The following FHL2 variants were observed in gnomAD, a reference collection of about 807,000 sequenced individuals.
FHL2 encodes the protein four and a half LIM domains protein 2.
A neutral mutation model predicts 32.7 loss-of-function variants in FHL2; 20 were observed. The observed-to-expected ratio is 0.61, with a 90% CI of 0.43 to 0.89. The LOEUF (loss-of-function observed/expected upper bound fraction) is 0.89. Ranked by LOEUF, FHL2 falls within the 40% of genes least tolerant of loss-of-function variation. The pLI, the probability that FHL2 is intolerant of heterozygous loss-of-function variation, is 0.00. For missense variants in FHL2, 311 were observed against 358.6 expected (o/e 0.87, Z 1.07); for synonymous variants, 123 against 128.1 (o/e 0.96, Z 0.27).
At chr2:105,400,853 A>T (rs1683441155), upstream of FHL2, among the ~76,000 whole-genome samples, 1 of 151,986 alleles carries the variant, frequency 6.6e-6, no homozygotes, top group Admixed American at 6.5e-5. Flanking sequence ...TCTGCAATTT[A>T]ATTTTGTGTT....
intron 2 of FHL2, among the ~76,000 whole-genome samples, chr2:105,396,233 T>C (rs1683120286): frequency 6.6e-6 from 1 of 152,166 alleles, no homozygotes; most frequent in Admixed American, 6.6e-5. Flanking sequence ...CTGCAGTCAG[T>C]AGGCTGGAGA....
intron 3 of FHL2, among the ~76,000 whole-genome samples, chr2:105,381,217 G>T (rs1277618560): frequency 6.6e-6 from 1 of 152,144 alleles, no homozygotes; most frequent in Non-Finnish European, 1.5e-5. Flanking sequence ...GTTATGAAAA[G>T]ATATTTTCTG....
chr2:105,412,058 T>C (rs1357757330), intron 1 of FHL2, among the ~76,000 whole-genome samples: 1 of 152,184 alleles, frequency 6.6e-6, no homozygotes, highest in Non-Finnish European at 1.5e-5. Flanking sequence ...GGTTAAGATA[T>C]GAAAGTATAC....
intron 3 of FHL2, chr2:105,378,783 C>T (rs1403806578): frequency 6.6e-6 from 1 of 152,476 alleles, no homozygotes; most frequent in African/African-American, 2.4e-5. Flanking sequence ...TAAATATTAA[C>T]CTATGCTCAC....
chr2:105,406,964 A>T (rs1683651032), intron 1 of FHL2, among the ~76,000 whole-genome samples: 1 of 151,828 alleles, frequency 6.6e-6, no homozygotes, highest in African/African-American at 2.4e-5. Context: ...TGACCAGTCC[A>T]CTCCTTCTTT....
At chr2:105,414,776 T>C (rs1476691308) in intron 1 of FHL2, among the ~76,000 whole-genome samples, 1 of 152,186 alleles carries the variant, frequency 6.6e-6, no homozygotes, top group African/African-American at 2.4e-5. Context: ...TGGTCTCCAA[T>C]TTCTGGCTTC....
chr2:105,375,855 T>C (rs370708595), intron 3 of FHL2: 1 of 152,168 alleles, frequency 6.6e-6, no homozygotes, highest in African/African-American at 2.4e-5. Context: ...TAACCTGTCT[T>C]TTGTATTTTT....
intron 3 of FHL2, chr2:105,378,406 C>T (rs1043329475): frequency 2.9e-6 from 1 of 347,358 alleles, no homozygotes; most frequent in Non-Finnish European, 5.6e-6. Flanking sequence ...CGCATTCTCT[C>T]AGGACAACCT....
upstream of FHL2, among the ~76,000 whole-genome samples, chr2:105,404,151 C>T (rs2104646377): frequency 6.6e-6 from 1 of 152,306 alleles, no homozygotes; most frequent in Non-Finnish European, 1.5e-5. Flanking sequence ...GGAGGTCAGA[C>T]CGCCCTATGT....
rs138943866 is a variant in FHL2, at chr2:105,414,478, C to A, written c.-25+23921G>T. Among the ~76,000 whole-genome samples, 45 of 152,276 alleles carry A rather than the reference C, an allele frequency of 3.0e-4. 1 individual carries two copies. Among genetic ancestry groups the A allele is most frequent in the African/African-American group, 1.0e-3 (42 of 41,574 alleles). ...CTGAAGCTAGCTAGGACCCGCCCCC[C>A]CTCCGCCGCCATTATCTCATTAGCA... On this transcript the variant is annotated intron_variant, in intron 1 of 5. Transcript: ENST00000393352.
upstream of FHL2, among the ~76,000 whole-genome samples, chr2:105,400,440 C>T (rs1027922000): frequency 3.3e-5 from 5 of 151,768 alleles, no homozygotes; most frequent in African/African-American, 7.3e-5. Flanking sequence ...GGCCACCCTA[C>T]CTGAATTTCC....
chr2:105,419,919 C>T (rs1337638989), intron 1 of FHL2, among the ~76,000 whole-genome samples: 3 of 152,086 alleles, frequency 2.0e-5, no homozygotes, highest in African/African-American at 7.2e-5. Context: ...CTACATAGTC[C>T]AGTATGACTG....
chr2:105,398,464 G>A (rs924133866), intron 1 of FHL2, among the ~76,000 whole-genome samples: 2 of 152,196 alleles, frequency 1.3e-5, no homozygotes, highest in Non-Finnish European at 2.9e-5. Flanking sequence ...CAGCCCGCTC[G>A]GGAGTCGGGC....
At chr2:105,411,538 GTTTTTTT>G (rs9308884) in intron 1 of FHL2, among the ~76,000 whole-genome samples, 3 of 81,146 alleles carry the variant, frequency 3.7e-5, no homozygotes, top group African/African-American at 1.5e-4. Context: ...TGAACTTAGG[GTTTTTTT>G]TTTTTTTTTT....
chr2:105,361,761 T>G (rs1193616444), intron 6 of FHL2, among the ~76,000 whole-genome samples: 1 of 152,234 alleles, frequency 6.6e-6, no homozygotes, highest in East Asian at 1.9e-4. Context: ...CTCTTATGTC[T>G]TCACTAGGTG....
upstream of FHL2, among the ~76,000 whole-genome samples, chr2:105,402,592 G>A (rs982176023): frequency 2.0e-5 from 3 of 152,080 alleles, no homozygotes; most frequent in Non-Finnish European, 4.4e-5. Context: ...CTCCTTTAAG[G>A]AAAATAGGAA....
At chr2:105,371,217 T>C (rs573635664) in intron 4 of FHL2, among the ~76,000 whole-genome samples, 1 of 152,312 alleles carries the variant, frequency 6.6e-6, no homozygotes, top group African/African-American at 2.4e-5. Context: ...ACAGGTTTAC[T>C]TGTTGCCGTG....
chr2:105,399,746 G>T, upstream of FHL2: 1 of 906,902 alleles, frequency 1.1e-6, no homozygotes, highest in South Asian at 1.8e-5. Flanking sequence ...AGATGGCACT[G>T]TTCAGCATTG....
intron 2 of FHL2, among the ~76,000 whole-genome samples, chr2:105,391,164 T>A (rs1682703193): frequency 6.6e-6 from 1 of 152,156 alleles, no homozygotes; most frequent in Admixed American, 6.5e-5. Flanking sequence ...GCTCATTCAT[T>A]CACTGAATAA....
Sources: allele counts gnomAD v4.1 joint callset (sites outside exome capture counted in the v4.1 genomes callset), GRCh38; gene constraint gnomAD v4.1.1; transcripts MANE v1.5; gene names NCBI Gene and HGNC (gene_info 2026-07-23, HGNC 2026-07-21).